Variants in EFHD2 observed in about 807,000 individuals in gnomAD.
The protein encoded by EFHD2 is EF-hand domain-containing protein D2.
In EFHD2, 12 loss-of-function variants were observed where a neutral mutation model predicts 20.3. That is an observed-to-expected ratio of 0.59 (90% CI 0.38 to 0.96). The LOEUF (loss-of-function observed/expected upper bound fraction) is 0.96. EFHD2 is among the 40% of genes least tolerant of loss of function. The pLI is 0.00. For missense variants in EFHD2, 250 were observed against 334.3 expected, an observed-to-expected ratio of 0.75 and a Z score of 1.97; for synonymous variants, 131 against 143.9, an observed-to-expected ratio of 0.91 and a Z score of 0.64.
intron 1 of EFHD2, among the ~76,000 whole-genome samples, chr1:15,417,981 C>CT (rs57589251): frequency 0.011 from 1,045 of 97,076 alleles, 19 homozygotes; most frequent in Non-Finnish European, 0.016. Context: ...CTTTCTTTTT[C>CT]TTTTTTTTTT....
At chr1:15,422,908 C>G (rs1707818034) in intron 1 of EFHD2, among the ~76,000 whole-genome samples, 1 of 152,102 alleles carries the variant, frequency 6.6e-6, no homozygotes, top group South Asian at 2.1e-4. Flanking sequence ...GCTGAGGAGC[C>G]CAGGCAATTT....
rs1371735410 is a variant in EFHD2, at chr1:15,427,216, G to C, written c.523G>C (p.Ala175Pro). ...GGAGGACAGCGGGCTGTGCGTGCTGGCCCGCCTCTCTGAGATCGACGTCTC... is the reference window on the plus strand; with the variant it reads ...GGAGGACAGCGGGCTGTGCGTGCTGCCCCGCCTCTCTGAGATCGACGTCTC... ...LQEDSGLCVL[A>P]RLSEIDVSSE... Residue 175 changes from alanine to proline, a missense_variant, in exon 3 of 4, where the codon GCC (alanine) becomes CCC (proline). Transcript: ENST00000375980. The C allele has an allele frequency of 6.2e-7, 1 of 1,600,740 alleles. No individual in the cohort carries two copies. The highest frequency in any genetic ancestry group is 8.5e-7 in the Non-Finnish European group (1 of 1,174,718).
intron 1 of EFHD2, among the ~76,000 whole-genome samples, chr1:15,416,342 C>T (rs1448055808): frequency 6.6e-6 from 1 of 152,110 alleles, no homozygotes; most frequent in Non-Finnish European, 1.5e-5. Flanking sequence ...CCGGCAGAGG[C>T]AGAGTCACTT....
chr1:15,425,058 ATTGT>A (rs933709343), intron 1 of EFHD2, among the ~76,000 whole-genome samples: 1 of 152,126 alleles, frequency 6.6e-6, no homozygotes, highest in Non-Finnish European at 1.5e-5. Flanking sequence ...TTCTGTCCAG[ATTGT>A]TTAAGGTCTG....
intron 1 of EFHD2, 105 bp from the exon 2 acceptor site, chr1:15,425,766 T>C: frequency 1.4e-6 from 2 of 1,467,312 alleles, no homozygotes; most frequent in South Asian, 2.7e-5. Flanking sequence ...CGGGATTTTA[T>C]GGTTGGTAGG....
At chr1:15,428,183 G>T (rs1349735586) in intron 3 of EFHD2, among the ~76,000 whole-genome samples, 1 of 152,164 alleles carries the variant, frequency 6.6e-6, no homozygotes, top group Non-Finnish European at 1.5e-5. Context: ...GCCTGAGCCA[G>T]AAGGGACCCC....
intron 1 of EFHD2, among the ~76,000 whole-genome samples, chr1:15,420,598 C>T (rs1707772217): frequency 6.6e-6 from 1 of 152,180 alleles, no homozygotes. Flanking sequence ...CAGCTCACTG[C>T]AACCTCCATC....
chr1:15,427,084 G>GC, intron 2 of EFHD2, 66 bp from the exon 3 acceptor site: 1 of 1,572,306 alleles, frequency 6.4e-7, no homozygotes, highest in Non-Finnish European at 8.6e-7. Flanking sequence ...CCTGGGTGCG[G>GC]CCAGGGACTC....
At chr1:15,417,780 A>G (rs1707702847) in intron 1 of EFHD2, among the ~76,000 whole-genome samples, 1 of 152,128 alleles carries the variant, frequency 6.6e-6, no homozygotes, top group African/African-American at 2.4e-5. Flanking sequence ...CACCCTGTCC[A>G]ATTGTCTGTT....
At position 15,413,570 on chromosome 1, in the gene EFHD2, T is replaced by A. The variant is rs536570797; in HGVS notation, c.308+3291T>A. Among the ~76,000 whole-genome samples, 1 of 152,032 alleles carries A rather than the reference T, an allele frequency of 6.6e-6. No homozygotes were observed. The highest frequency in any genetic ancestry group is 2.4e-5 in the African/African-American group (1 of 41,390). ...GGGGAAGAGAGGGGATGGGGGAAGA[T>A]AGACAGACTGTCAGCCATCACTGGT... On this transcript the variant is annotated intron_variant, in intron 1 of 3. Transcript: ENST00000375980. The surrounding 1 kb of genome is among the most constrained non-coding windows in gnomAD (Gnocchi z 4.4).
chr1:15,424,889 G>A (rs748616534), intron 1 of EFHD2, among the ~76,000 whole-genome samples: 5 of 152,084 alleles, frequency 3.3e-5, no homozygotes, highest in Non-Finnish European at 7.4e-5. Context: ...CCACACCCAC[G>A]TCACATCCCC....
intron 1 of EFHD2, among the ~76,000 whole-genome samples, chr1:15,416,070 C>T (rs1010274095): frequency 2.6e-5 from 4 of 152,204 alleles, no homozygotes; most frequent in South Asian, 4.2e-4. Flanking sequence ...TTCCTGGCCT[C>T]GGTCCTTACT....
chr1:15,421,574 G>A (rs1707792636), intron 1 of EFHD2, among the ~76,000 whole-genome samples: 1 of 152,218 alleles, frequency 6.6e-6, no homozygotes, highest in African/African-American at 2.4e-5. Flanking sequence ...CATGGTTTGA[G>A]CCACAGCCCA....
chr1:15,421,938 T>C (rs78451273), intron 1 of EFHD2, among the ~76,000 whole-genome samples: 1,610 of 152,210 alleles, frequency 0.011, 27 homozygotes, highest in African/African-American at 0.036. Flanking sequence ...GACTGCCATT[T>C]ATGCAGCTAG....
intron 1 of EFHD2, among the ~76,000 whole-genome samples, chr1:15,416,923 C>T (rs866792721): frequency 6.6e-6 from 1 of 152,198 alleles, no homozygotes; most frequent in South Asian, 2.1e-4. Flanking sequence ...GATCCTCCCA[C>T]CTCAGCCTCC....
intron 1 of EFHD2, among the ~76,000 whole-genome samples, chr1:15,411,992 A>G (rs1470568373): frequency 6.6e-6 from 1 of 151,912 alleles, no homozygotes; most frequent in Non-Finnish European, 1.5e-5. Flanking sequence ...GGAGTCCCAT[A>G]CTTTCCCAAG....
rs1707874828 is a variant in EFHD2, at chr1:15,426,576, G to A, written c.456+558G>A. On this transcript the variant is annotated intron_variant, in intron 2 of 3. Coordinates refer to ENST00000375980, the MANE Select transcript of EFHD2 (RefSeq NM_024329.6). The surrounding 1 kb of genome is among the most constrained non-coding windows in gnomAD (Gnocchi z 4.6). ...CACAGGGTTAGGTGTGGGGACTCGA[G>A]GCCCAACTGGGGCCCAGGAGGTCTG... 6.6e-6 allele frequency among the ~76,000 whole-genome samples: 1 copy of A among 152,180 alleles called. No homozygotes were observed. Among genetic ancestry groups the A allele is most frequent in the Non-Finnish European group, 1.5e-5 (1 of 68,040 alleles).
chr1:15,424,567 C>T (rs939354378), intron 1 of EFHD2, among the ~76,000 whole-genome samples: 11 of 152,174 alleles, frequency 7.2e-5, no homozygotes, highest in Admixed American at 2.0e-4. Flanking sequence ...CCCACCACCC[C>T]GCCAATCTCC....
rs145804473 is a variant in EFHD2 at position 15,427,236 on chromosome 1, C to T, written c.543C>T (p.Asp181=). The T allele has an allele frequency of 1.2e-5, 20 of 1,609,014 alleles. No homozygotes were observed. The highest frequency in any genetic ancestry group is 1.7e-4 in the Middle Eastern group (1 of 6,050). The change falls in exon 3 of 4, where the codon GAC becomes GAT. Residue 181 remains aspartate (D), a synonymous_variant. Transcript: ENST00000375980. ...TGCTGGCCCGCCTCTCTGAGATCGA[C>T]GTCTCCAGTGAGGGTGTCAAGGGGG... ...LCVLARLSEI[D]VSSEGVKGAK...
Sources: gnomAD v4.1 joint callset for allele counts (sites outside exome capture counted in the v4.1 genomes callset) on GRCh38, gnomAD v4.1.1 for gene constraint, Gnocchi (gnomAD v3.1) non-coding constraint, MANE v1.5 for transcripts, NCBI Gene and HGNC (gene_info 2026-07-23, HGNC 2026-07-21) for gene names.